The following RPIA variants were observed in gnomAD, a reference collection of about 807,000 sequenced individuals.
RPIA encodes ribose-5-phosphate isomerase.
RPIA carries 29 observed loss-of-function variants against 37.8 expected under a neutral mutation model. That is an observed-to-expected ratio of 0.77 (90% CI 0.57 to 1.05). RPIA has a LOEUF of 1.05. RPIA is among the 50% of genes least tolerant of loss of function. The pLI is 0.00. For synonymous variants in RPIA, 167 were observed against 157.0 expected (o/e 1.06, Z -0.48); for missense variants, 385 against 413.6 (o/e 0.93, Z 0.60).
intron 4 of RPIA, among the ~76,000 whole-genome samples, chr2:88,732,861 C>T (rs997737104): frequency 1.3e-5 from 2 of 151,878 alleles, no homozygotes; most frequent in African/African-American, 4.8e-5. Flanking sequence ...ACAAACCCTA[C>T]CTGGCATTTT....
At chr2:88,705,807 A>G (rs918392602) in intron 3 of RPIA, among the ~76,000 whole-genome samples, 2 of 152,236 alleles carry the variant, frequency 1.3e-5, no homozygotes, top group Non-Finnish European at 2.9e-5. Context: ...CAATCTATCC[A>G]TCTGACAAAG....
chr2:88,734,542 C>G lies in RPIA; in HGVS notation c.463-10C>G. 6.2e-7 allele frequency: 1 copy of G among 1,614,162 alleles called. No individual in the cohort carries two copies. Among genetic ancestry groups the G allele is most frequent in the Non-Finnish European group, 8.5e-7 (1 of 1,179,986 alleles). ...GTGGTTTTTGTATCTTTACCTTTCCCCCAATACAGATCGACCTTGCCATCG... is the reference window on the plus strand; with the variant it reads ...GTGGTTTTTGTATCTTTACCTTTCCGCCAATACAGATCGACCTTGCCATCG... On this transcript the variant is annotated splice_polypyrimidine_tract_variant and intron_variant, in intron 4 of 8. Transcript: ENST00000283646.
intron 3 of RPIA, among the ~76,000 whole-genome samples, chr2:88,720,395 T>G (rs1673105462): frequency 6.6e-6 from 1 of 151,994 alleles, no homozygotes; most frequent in Non-Finnish European, 1.5e-5. Flanking sequence ...AACATTTCCT[T>G]TAGACCTTTA....
rs779461875 is a variant in RPIA at position 88,698,552 on chromosome 2, C to G, written c.346+8C>G. 58 of 1,610,982 alleles carry G rather than the reference C, an allele frequency of 3.6e-5. No homozygotes were observed. Among genetic ancestry groups the G allele is most frequent in the Non-Finnish European group, 4.8e-5 (56 of 1,177,266 alleles). ...ATGCTGTGCAGCGAATAGGTATGCT[C>G]TCTCACTGTCTACTGGATGTTTTGT... On this transcript the variant is annotated splice_region_variant and intron_variant, in intron 2 of 8. Coordinates refer to ENST00000283646, the MANE Select transcript of RPIA (RefSeq NM_144563.3).
At chr2:88,721,462 C>A (rs1005798753) in intron 3 of RPIA, among the ~76,000 whole-genome samples, 25 of 144,944 alleles carry the variant, frequency 1.7e-4, no homozygotes, top group African/African-American at 6.3e-4. Context: ...ATATAAAATA[C>A]AACATATTAG....
chr2:88,740,532 T>C (rs1380671389), intron 8 of RPIA, among the ~76,000 whole-genome samples: 1 of 152,230 alleles, frequency 6.6e-6, no homozygotes, highest in East Asian at 1.9e-4. Flanking sequence ...TGTTACCATG[T>C]GCATTCGTAC....
chr2:88,740,090 A>G (rs1383240888), intron 8 of RPIA, among the ~76,000 whole-genome samples: 1 of 152,214 alleles, frequency 6.6e-6, no homozygotes, highest in African/African-American at 2.4e-5. Flanking sequence ...TGTTAGTAAA[A>G]TGGGAGAACT....
chr2:88,709,003 G>T (rs889540932), intron 3 of RPIA, among the ~76,000 whole-genome samples: 2 of 152,122 alleles, frequency 1.3e-5, no homozygotes, highest in African/African-American at 2.4e-5. Context: ...TGATCCACCC[G>T]CCTGGGCCTC....
intron 3 of RPIA, among the ~76,000 whole-genome samples, chr2:88,718,015 GC>G (rs989311079): frequency 6.6e-6 from 1 of 152,162 alleles, no homozygotes; most frequent in African/African-American, 2.4e-5. Context: ...AAGTTGTCTA[GC>G]TTCAGTTTGC....
At chr2:88,736,721 T>G (rs577623293) in intron 7 of RPIA, 45 bp downstream of exon 7, 1 of 1,588,486 alleles carries the variant, frequency 6.3e-7, no homozygotes, top group Non-Finnish European at 8.6e-7. Context: ...TGCACTCAGG[T>G]TTTCAGTGTG....
At chr2:88,729,600 T>C (rs975950516) in intron 4 of RPIA, among the ~76,000 whole-genome samples, 6 of 152,194 alleles carry the variant, frequency 3.9e-5, no homozygotes, top group African/African-American at 1.4e-4. Flanking sequence ...CCCAGGGCTA[T>C]ATCCAGGGCT....
intron 3 of RPIA, among the ~76,000 whole-genome samples, chr2:88,709,748 TA>T (rs1205575311): frequency 2.0e-5 from 3 of 152,118 alleles, no homozygotes; most frequent in Admixed American, 1.3e-4. Context: ...GGAACTCATT[TA>T]AAAAAAATAT....
chr2:88,705,307 C>G, intron 3 of RPIA, among the ~76,000 whole-genome samples: 1 of 152,182 alleles, frequency 6.6e-6, no homozygotes, highest in Admixed American at 6.5e-5. Context: ...CGCTACTGGA[C>G]TTCAAACTAT....
At chr2:88,742,923 A>G (rs1673400696) in intron 8 of RPIA, among the ~76,000 whole-genome samples, 1 of 152,292 alleles carries the variant, frequency 6.6e-6, no homozygotes, top group African/African-American at 2.4e-5. Context: ...GAATTCATTT[A>G]TCAGATCTAA....
chr2:88,735,151 C>G (rs1218831293), intron 5 of RPIA, among the ~76,000 whole-genome samples: 1 of 152,176 alleles, frequency 6.6e-6, no homozygotes, highest in Non-Finnish European at 1.5e-5. Flanking sequence ...TAAAATCACA[C>G]TTTACTGTTT....
At chr2:88,716,125 G>GT (rs1353079843) in intron 3 of RPIA, among the ~76,000 whole-genome samples, 7 of 152,190 alleles carry the variant, frequency 4.6e-5, no homozygotes, top group African/African-American at 1.7e-4. Flanking sequence ...CTACCCTATT[G>GT]TTTATGTACA....
At chr2:88,729,229 T>G in intron 3 of RPIA, 49 bp from the exon 4 acceptor site, 1 of 1,590,236 alleles carries the variant, frequency 6.3e-7, no homozygotes, top group Non-Finnish European at 8.6e-7. Flanking sequence ...AGAATCCTTG[T>G]CATGAACTCA....
chr2:88,709,338 T>G (rs1024077386), intron 3 of RPIA, among the ~76,000 whole-genome samples: 1 of 152,226 alleles, frequency 6.6e-6, no homozygotes, highest in Admixed American at 6.5e-5. Context: ...CAGTATCTAT[T>G]TATAATCCTG....
intron 3 of RPIA, among the ~76,000 whole-genome samples, chr2:88,724,982 A>G (rs2104117557): frequency 6.6e-6 from 1 of 152,348 alleles, no homozygotes; most frequent in Non-Finnish European, 1.5e-5. Context: ...AAACAGAAGT[A>G]CCAGTAGCCT....
Sources: gnomAD v4.1 joint callset for allele counts (sites outside exome capture counted in the v4.1 genomes callset) on GRCh38, gnomAD v4.1.1 for gene constraint, MANE v1.5 for transcripts, NCBI Gene and HGNC (gene_info 2026-07-23, HGNC 2026-07-21) for gene names.